The following LRRCC1 variants were observed in gnomAD, a reference collection of about 807,000 sequenced individuals.
LRRCC1 encodes the protein leucine rich repeat and coiled-coil centrosomal protein 1.
A neutral mutation model predicts 126.0 loss-of-function variants in LRRCC1; 115 were observed. The observed-to-expected ratio is 0.91, with a 90% CI of 0.78 to 1.07. The LOEUF is 1.07. Ranked by LOEUF, LRRCC1 falls within the 50% of genes least tolerant of loss-of-function variation. The pLI, the probability that LRRCC1 is intolerant of heterozygous loss-of-function variation, is 0.00. For missense variants in LRRCC1, 1,172 were observed against 1,175.7 expected (o/e 1.00, Z 0.05); for synonymous variants, 400 against 393.4 (o/e 1.02, Z -0.20).
At chr8:85,120,312 G>C (rs555866021) in intron 6 of LRRCC1, among the ~76,000 whole-genome samples, 1 of 152,074 alleles carries the variant, frequency 6.6e-6, no homozygotes, top group Admixed American at 6.5e-5. Context: ...TTGTAGAGGT[G>C]GGGGGGTTGA....
At chr8:85,137,883 C>T in intron 15 of LRRCC1, 152 bp from the exon 16 acceptor site, 1 of 528,366 alleles carries the variant, frequency 1.9e-6, no homozygotes, top group South Asian at 3.7e-5. Flanking sequence ...CTGGAAATAC[C>T]CAATGTCAAT....
At chr8:85,137,343 A>G (rs1270241183) in intron 14 of LRRCC1, 121 bp from the exon 15 acceptor site, 2 of 562,866 alleles carry the variant, frequency 3.6e-6, no homozygotes, top group South Asian at 6.1e-5. Flanking sequence ...TTGTACTATT[A>G]TAAGCTATGT....
At chr8:85,122,572 TTTAG>T (rs1446123527) in intron 6 of LRRCC1, among the ~76,000 whole-genome samples, 1 of 152,188 alleles carries the variant, frequency 6.6e-6, no homozygotes, top group East Asian at 1.9e-4. Flanking sequence ...AATTTCTATT[TTTAG>T]TTCTATTTCT....
chr8:85,132,955 G>A (rs955486427), intron 12 of LRRCC1, among the ~76,000 whole-genome samples: 1 of 152,118 alleles, frequency 6.6e-6, no homozygotes, highest in African/African-American at 2.4e-5. Flanking sequence ...ATACAAACAT[G>A]CTGTGATTTC....
At chr8:85,119,425 C>A (rs937530713) in intron 6 of LRRCC1, among the ~76,000 whole-genome samples, 1 of 149,782 alleles carries the variant, frequency 6.7e-6, no homozygotes, top group Admixed American at 6.7e-5. Flanking sequence ...TATTTGTTTT[C>A]TGTGTTCTTG....
In LRRCC1 at chr8:85,107,318, TGGC is replaced by T; in HGVS notation, c.27_29del (p.Ala10del). On this transcript the variant is annotated inframe_deletion, in exon 1 of 19. Transcript: ENST00000360375. Reference sequence around the variant, plus strand: ...GCTATGGAGGCGGCGGCGGCGGTGGTGGCGGCAGAGGCGGAAGTGGAAAACGAA... The same window carrying T: ...GCTATGGAGGCGGCGGCGGCGGTGGTGGCAGAGGCGGAAGTGGAAAACGAA... The T allele has an allele frequency of 6.2e-7, 1 of 1,612,492 alleles. No homozygotes were observed. The highest frequency in any genetic ancestry group is 8.5e-7 in the Non-Finnish European group (1 of 1,179,512).
rs755058618 is a variant in LRRCC1 at position 85,131,782 on chromosome 8, T to C, written c.1789T>C (p.Phe597Leu). ...EHRKELETRE[F>L]FTDADFQDAL... ...CAGGAAGGAACTTGAAACAAGGGAG[T>C]TTTTTACTGATGCTGACTTCCAGGA... Residue 597 changes from phenylalanine (F) to leucine (L), a missense_variant, in exon 12 of 19, where the codon TTT becomes CTT. Phe to Leu is a conservative substitution (Grantham distance 22). Coordinates refer to ENST00000360375, the MANE Select transcript of LRRCC1 (RefSeq NM_033402.5). The C allele has an allele frequency of 2.5e-6, 4 of 1,612,864 alleles. No homozygotes were observed. Among genetic ancestry groups the C allele is most frequent in the African/African-American group, 1.3e-5 (1 of 74,854 alleles).
chr8:85,137,708 T>C, intron 15 of LRRCC1, 81 bp downstream of exon 15: 5 of 1,043,468 alleles, frequency 4.8e-6, no homozygotes, highest in Non-Finnish European at 6.6e-6. Flanking sequence ...AAAGCTGTTT[T>C]TCAGTGTTTT....
intron 6 of LRRCC1, among the ~76,000 whole-genome samples, chr8:85,121,502 C>T (rs578112154): frequency 6.6e-6 from 1 of 151,952 alleles, no homozygotes; most frequent in African/African-American, 2.4e-5. Context: ...AATGCAATGG[C>T]GTGATCTCAG....
chr8:85,138,494 A>G lies in LRRCC1; in HGVS notation c.2840+19A>G. The G allele has an allele frequency of 6.3e-7, 1 of 1,598,978 alleles. No homozygotes were observed. The highest frequency in any genetic ancestry group is 2.2e-5 in the East Asian group (1 of 44,666). ...TACAAAAGTAAGCATTAGGTTCTAA[A>G]GGATTTGAGATCTCCTTAATCGTAA... On this transcript the variant is annotated intron_variant, in intron 17 of 18. Coordinates refer to ENST00000360375, the MANE Select transcript of LRRCC1 (RefSeq NM_033402.5).
intron 6 of LRRCC1, among the ~76,000 whole-genome samples, chr8:85,117,418 T>A (rs898609268): frequency 6.6e-6 from 1 of 152,188 alleles, no homozygotes; most frequent in Non-Finnish European, 1.5e-5. Context: ...GAAAATGACT[T>A]CTTGTTCACT....
At chr8:85,126,545 G>T in intron 8 of LRRCC1, 144 bp from the exon 9 acceptor site, 1 of 673,524 alleles carries the variant, frequency 1.5e-6, no homozygotes, top group Non-Finnish European at 2.4e-6. Flanking sequence ...GTGGCAGAGT[G>T]AGACTCAAAA....
At chr8:85,133,278 T>C (rs1810618315) in intron 12 of LRRCC1, among the ~76,000 whole-genome samples, 1 of 152,208 alleles carries the variant, frequency 6.6e-6, no homozygotes, top group Non-Finnish European at 1.5e-5. Flanking sequence ...CTTTGCTTGG[T>C]TTCCAGCACA....
chr8:85,112,556 T>C (rs1808807582), intron 3 of LRRCC1, among the ~76,000 whole-genome samples: 1 of 152,304 alleles, frequency 6.6e-6, no homozygotes, highest in African/African-American at 2.4e-5. Context: ...CCAGCAAAAT[T>C]GAAGTGTACT....
In LRRCC1 at chr8:85,138,068, T is replaced by C. The variant is rs769703792; in HGVS notation, c.2527T>C (p.Leu843=). The C allele has an allele frequency of 7.6e-6, 12 of 1,587,694 alleles. No homozygotes were observed. Among genetic ancestry groups the C allele is most frequent in the Non-Finnish European group, 1.0e-5 (12 of 1,167,406 alleles). ...LQEKDEHIKR[L]QEKITEIEKC... is the part of the protein sequence containing the mutation. ...AGAAAAAGATGAACACATCAAAAGA[T>C]TACAAGAAAAGATCACAGAAATAGA... The change falls in exon 16 of 19, where the codon TTA becomes CTA. Residue 843 remains leucine, a synonymous_variant. Transcript: ENST00000360375.
At chr8:85,114,664 C>G (rs1161557905) in intron 4 of LRRCC1, among the ~76,000 whole-genome samples, 1 of 152,066 alleles carries the variant, frequency 6.6e-6, no homozygotes, top group Non-Finnish European at 1.5e-5. Context: ...TCTGCTAATG[C>G]TGAGACCTCG....
At chr8:85,120,690 A>G (rs893085730) in intron 6 of LRRCC1, among the ~76,000 whole-genome samples, 2 of 152,216 alleles carry the variant, frequency 1.3e-5, no homozygotes, top group Admixed American at 1.3e-4. Context: ...CATTTCATAT[A>G]AATGAAATCA....
Position 85,123,413 on chromosome 8 carries a change from ACTT to A in LRRCC1, c.934_936del (p.Ser312del), listed in dbSNP as rs1809719105. The A allele has an allele frequency of 9.5e-6, 15 of 1,571,992 alleles. No individual in the cohort carries two copies. In the Admixed American group the frequency reaches 3.0e-4, roughly 31 times the overall value. On this transcript the variant is annotated inframe_deletion and splice_region_variant, in exon 7 of 19. Coordinates refer to ENST00000360375, the MANE Select transcript of LRRCC1 (RefSeq NM_033402.5). ...ATTTTGTTGGCTTTTTAAATTTTAGACTTCTAATTCAATAGATAACGTTCTTGA... is the reference window on the plus strand; with the variant it reads ...ATTTTGTTGGCTTTTTAAATTTTAGACTAATTCAATAGATAACGTTCTTGA...
intron 9 of LRRCC1, among the ~76,000 whole-genome samples, chr8:85,128,536 G>A (rs1810193401): frequency 6.7e-6 from 1 of 149,484 alleles, no homozygotes; most frequent in African/African-American, 2.5e-5. Context: ...TCTGGCATGT[G>A]GGTGCCATGC....
Sources: gnomAD v4.1 joint callset for allele counts (sites outside exome capture counted in the v4.1 genomes callset) on GRCh38, gnomAD v4.1.1 for gene constraint, MANE v1.5 for transcripts, NCBI Gene and HGNC (gene_info 2026-07-23, HGNC 2026-07-21) for gene names.